CDH18: variants seen among roughly 807,000 people sequenced by gnomAD.
CDH18 encodes the protein cadherin 18, also known as cadherin-18.
Under a neutral mutation model 67.9 loss-of-function variants are expected in CDH18, and 31 were observed. That is an observed-to-expected ratio of 0.46 (90% CI 0.34 to 0.62). The LOEUF (loss-of-function observed/expected upper bound fraction) is 0.62. Ranked by LOEUF, CDH18 falls within the 20% of genes least tolerant of loss-of-function variation. The pLI, the probability that CDH18 is intolerant of heterozygous loss-of-function variation, is 0.01. For missense variants in CDH18, 890 were observed against 975.5 expected (o/e 0.91, Z 1.17); for synonymous variants, 362 against 347.2 (o/e 1.04, Z -0.48).
chr5:20,384,847 T>A (rs996806967), intron 1 of CDH18, among the ~76,000 whole-genome samples: 5 of 152,190 alleles, frequency 3.3e-5, no homozygotes, highest in Non-Finnish European at 7.3e-5. Context: ...TATTTATTCA[T>A]TTATTTTGAG....
At chr5:20,243,363 TA>T (rs1470419936) in intron 2 of CDH18, among the ~76,000 whole-genome samples, 1 of 152,206 alleles carries the variant, frequency 6.6e-6, no homozygotes, top group Non-Finnish European at 1.5e-5. Context: ...ATTCTATTTG[TA>T]ATTCAGATTT....
chr5:19,523,829 G>T (rs1193431902), intron 9 of CDH18, among the ~76,000 whole-genome samples: 1 of 151,926 alleles, frequency 6.6e-6, no homozygotes, highest in African/African-American at 2.4e-5. Context: ...ACAATTAATG[G>T]CAACAACGAC....
At chr5:19,721,049 C>A (rs934003703) in intron 5 of CDH18, among the ~76,000 whole-genome samples, 22 of 152,046 alleles carry the variant, frequency 1.4e-4, no homozygotes, top group African/African-American at 5.3e-4. Context: ...TGTAATATGC[C>A]ATATTTGTTT....
At chr5:19,916,161 C>A (rs2150152137) in intron 2 of CDH18, among the ~76,000 whole-genome samples, 1 of 152,224 alleles carries the variant, frequency 6.6e-6, no homozygotes, top group East Asian at 1.9e-4. Flanking sequence ...CAGATTCTAT[C>A]CTTCCTCAGC....
At chr5:20,281,186 T>A (rs1017375158) in intron 1 of CDH18, among the ~76,000 whole-genome samples, 1 of 152,162 alleles carries the variant, frequency 6.6e-6, no homozygotes, top group Non-Finnish European at 1.5e-5. Context: ...TAGTTTCTTT[T>A]GCTGTGCAGA....
chr5:20,122,694 T>C (rs561982665), intron 2 of CDH18, among the ~76,000 whole-genome samples: 1 of 151,662 alleles, frequency 6.6e-6, no homozygotes, highest in East Asian at 1.9e-4. Flanking sequence ...CTACTGAATA[T>C]TTCAAATGAG....
chr5:19,657,108 C>T (rs1027826770), intron 5 of CDH18, among the ~76,000 whole-genome samples: 1 of 152,022 alleles, frequency 6.6e-6, no homozygotes, highest in African/African-American at 2.4e-5. Flanking sequence ...TTTCTTGTAA[C>T]ATTTATAAAA....
At chr5:19,915,400 T>A (rs540269740) in intron 2 of CDH18, among the ~76,000 whole-genome samples, 188 of 152,282 alleles carry the variant, frequency 1.2e-3, no homozygotes, top group Non-Finnish European at 1.6e-3. Flanking sequence ...AAAATCCTAC[T>A]ATAACTTTTG....
chr5:19,500,783 G>T (rs1743100547), intron 11 of CDH18, among the ~76,000 whole-genome samples: 1 of 152,050 alleles, frequency 6.6e-6, no homozygotes, highest in Admixed American at 6.6e-5. Flanking sequence ...CTATATATGA[G>T]TTCTGACACT....
At chr5:19,639,001 T>TTTGTTTTTTTTTTTTTTTTTTTTTTTTTG (rs1554066472) in intron 5 of CDH18, among the ~76,000 whole-genome samples, 1 of 88,134 alleles carries the variant, frequency 1.1e-5, no homozygotes, top group Non-Finnish European at 2.4e-5. Flanking sequence ...TTTTTTTTTT[T>TTTGTTTTTTTTTTTTTTTTTTTTTTTTTG]TTTGTTTGTT....
Position 19,472,137 on chromosome 5 carries a change from T to C in CDH18, c.*1089A>G, listed in dbSNP as rs1434838225. Among the ~76,000 whole-genome samples, 1 of 152,142 alleles carries C rather than the reference T, an allele frequency of 6.6e-6. No homozygotes were observed. The highest frequency in any genetic ancestry group is 1.5e-5 in the Non-Finnish European group (1 of 68,034). On this transcript the variant is annotated 3_prime_UTR_variant, in exon 13 of 13. Coordinates refer to ENST00000382275, the MANE Select transcript of CDH18 (RefSeq NM_004934.5). The stretch of plus-strand genomic sequence containing the variant: ...GAGATGGAAAAAATCTGAAACTGTG[T>C]AAGGAATAAATGTAAGTCAACTATG...
At chr5:19,575,617 T>C (rs1376011230) in intron 7 of CDH18, among the ~76,000 whole-genome samples, 2 of 152,214 alleles carry the variant, frequency 1.3e-5, no homozygotes, top group African/African-American at 2.4e-5. Flanking sequence ...TGCTGAGAAA[T>C]GAAGCTGCTT....
chr5:20,350,950 C>T (rs1214665045), intron 1 of CDH18, among the ~76,000 whole-genome samples: 1 of 151,736 alleles, frequency 6.6e-6, no homozygotes, highest in Non-Finnish European at 1.5e-5. Flanking sequence ...TCAAAAAACT[C>T]CTAAATCCTT....
chr5:20,154,010 C>G (rs149566009), intron 2 of CDH18, among the ~76,000 whole-genome samples: 11 of 152,180 alleles, frequency 7.2e-5, no homozygotes, highest in African/African-American at 2.4e-4. Flanking sequence ...TTGCTAAGAC[C>G]CTGAAATACA....
chr5:20,181,834 C>T (rs971029432), intron 2 of CDH18, among the ~76,000 whole-genome samples: 5 of 152,056 alleles, frequency 3.3e-5, no homozygotes, highest in Admixed American at 6.6e-5. Context: ...TGAAAAATAT[C>T]GAGCCTCAGT....
chr5:20,450,957 C>T (rs528989030), intron 1 of CDH18, among the ~76,000 whole-genome samples: 169 of 152,220 alleles, frequency 1.1e-3, no homozygotes, highest in African/African-American at 4.0e-3. Context: ...CTTTATAAAA[C>T]CATCAGATCT....
At chr5:19,742,585 A>G (rs1769357734) in intron 4 of CDH18, among the ~76,000 whole-genome samples, 1 of 152,144 alleles carries the variant, frequency 6.6e-6, no homozygotes, top group African/African-American at 2.4e-5. Flanking sequence ...CCCCTGTCCA[A>G]GTCTACGGTT....
chr5:20,298,007 C>T (rs1260238675), intron 1 of CDH18, among the ~76,000 whole-genome samples: 1 of 151,994 alleles, frequency 6.6e-6, no homozygotes, highest in Non-Finnish European at 1.5e-5. Flanking sequence ...TTATTATACC[C>T]CCCATTATTC....
chr5:19,848,674 T>C (rs925755352), intron 2 of CDH18, among the ~76,000 whole-genome samples: 7 of 151,790 alleles, frequency 4.6e-5, no homozygotes, highest in African/African-American at 1.7e-4. Flanking sequence ...ATGAGGAGAA[T>C]GCAATATAGG....
Sources: gnomAD v4.1 joint callset for allele counts (sites outside exome capture counted in the v4.1 genomes callset) on GRCh38, gnomAD v4.1.1 for gene constraint, MANE v1.5 for transcripts, NCBI Gene and HGNC (gene_info 2026-07-23, HGNC 2026-07-21) for gene names.